The following NR6A1 variants were observed in gnomAD, a reference collection of about 807,000 sequenced individuals.
NR6A1 encodes retinoic acid receptor-related testis-associated receptor.
A neutral mutation model predicts 59.1 loss-of-function variants in NR6A1; 7 were observed. The ratio of observed to expected loss-of-function variants is 0.12; its 90% CI spans 0.07 to 0.22. NR6A1 has a LOEUF of 0.22. Ranked by LOEUF, NR6A1 falls within the 10% of genes least tolerant of loss-of-function variation. NR6A1 has a pLI of 1.00. For synonymous variants in NR6A1, 243 were observed against 236.1 expected, an observed-to-expected ratio of 1.03 and a Z score of -0.27; for missense variants, 468 against 611.6, an observed-to-expected ratio of 0.77 and a Z score of 2.48.
chr9:124,760,078 G>A (rs530620167), intron 1 of NR6A1, among the ~76,000 whole-genome samples: 97 of 148,398 alleles, frequency 6.5e-4, no homozygotes, highest in African/African-American at 2.3e-3. Context: ...GTGGGATGCC[G>A]AGGCAGGCAG....
At chr9:124,638,734 G>A (rs1836689240) in intron 2 of NR6A1, among the ~76,000 whole-genome samples, 1 of 152,164 alleles carries the variant, frequency 6.6e-6, no homozygotes, top group Admixed American at 6.5e-5. Flanking sequence ...ATAATGAGAA[G>A]GAAGACCCAA....
chr9:124,582,323 C>A (rs1834796798), intron 2 of NR6A1, among the ~76,000 whole-genome samples: 1 of 152,092 alleles, frequency 6.6e-6, no homozygotes, highest in Admixed American at 6.6e-5. Context: ...GAACAGAAAA[C>A]CAAATACCGC....
chr9:124,732,068 C>T (rs1239615290), intron 2 of NR6A1, among the ~76,000 whole-genome samples: 1 of 152,164 alleles, frequency 6.6e-6, no homozygotes, highest in Non-Finnish European at 1.5e-5. Flanking sequence ...TGATAAGCAT[C>T]ATGAGAACTA....
intron 2 of NR6A1, among the ~76,000 whole-genome samples, chr9:124,698,909 A>G (rs572890595): frequency 1.3e-5 from 2 of 152,280 alleles, no homozygotes; most frequent in African/African-American, 4.8e-5. Flanking sequence ...AAAAACACAC[A>G]ACCAATCAAA....
At chr9:124,567,567 C>T (rs1054888086) in intron 2 of NR6A1, among the ~76,000 whole-genome samples, 6 of 151,946 alleles carry the variant, frequency 3.9e-5, no homozygotes, top group African/African-American at 1.2e-4. Flanking sequence ...GAGTCGGAGA[C>T]CAGCCTGGGC....
chr9:124,694,284 T>C (rs1838668255), intron 2 of NR6A1, among the ~76,000 whole-genome samples: 1 of 152,182 alleles, frequency 6.6e-6, no homozygotes, highest in Non-Finnish European at 1.5e-5. Context: ...TAATTTTGCA[T>C]GTTTTGGGGG....
At chr9:124,587,234 C>T (rs1361254279) in intron 2 of NR6A1, among the ~76,000 whole-genome samples, 2 of 152,222 alleles carry the variant, frequency 1.3e-5, no homozygotes, top group Admixed American at 1.3e-4. Flanking sequence ...TGCTACTCCA[C>T]ACATAACAGA....
chr9:124,552,513 C>G (rs1437308157), intron 3 of NR6A1, among the ~76,000 whole-genome samples: 1 of 152,172 alleles, frequency 6.6e-6, no homozygotes, highest in Non-Finnish European at 1.5e-5. Flanking sequence ...CCAGTAAACA[C>G]AGGGCATTCC....
At chr9:124,637,736 T>C (rs1261678200) in intron 2 of NR6A1, among the ~76,000 whole-genome samples, 2 of 151,056 alleles carry the variant, frequency 1.3e-5, no homozygotes, top group African/African-American at 2.4e-5. Flanking sequence ...ATTAAAAGTA[T>C]GAAAAATTAG....
At chr9:124,693,755 T>A (rs954897913) in intron 2 of NR6A1, 1 of 534,490 alleles carries the variant, frequency 1.9e-6, no homozygotes, top group African/African-American at 1.9e-5. Context: ...GGTTTGAGTC[T>A]GAATCAACTC....
At position 124,584,354 on chromosome 9, in the gene NR6A1, C is replaced by T. The variant is rs536911698; in HGVS notation, c.143-29784G>A. Among the ~76,000 whole-genome samples the T allele has an allele frequency of 2.4e-3, 364 of 152,214 alleles. 1 individual carries two copies. The highest frequency in any genetic ancestry group is 8.4e-3 in the African/African-American group (348 of 41,518). On this transcript the variant is annotated intron_variant, in intron 2 of 9. Coordinates refer to ENST00000487099, the MANE Select transcript of NR6A1 (RefSeq NM_033334.4). ...TCTCCTGACGTCATGATCTGCCCTCCTCGGCCTCCCAAAGTGCTGGGATTA... is the reference window on the plus strand; with the variant it reads ...TCTCCTGACGTCATGATCTGCCCTCTTCGGCCTCCCAAAGTGCTGGGATTA...
At chr9:124,672,632 G>A (rs1837831402) in intron 2 of NR6A1, among the ~76,000 whole-genome samples, 1 of 151,830 alleles carries the variant, frequency 6.6e-6, no homozygotes. Context: ...AAAAAGAATT[G>A]CTTAAGTTCA....
In NR6A1 at chr9:124,718,875, C is replaced by T. The variant is rs77181547; in HGVS notation, c.142+14433G>A. ...TGCTGCCCAGGCTGGAGTACAGTGG[C>T]GCGATCTTGGCTCACTGCAGCCTCC... On this transcript the variant is annotated intron_variant, in intron 2 of 9. Coordinates refer to ENST00000487099, the MANE Select transcript of NR6A1 (RefSeq NM_033334.4). Among the ~76,000 whole-genome samples the T allele has an allele frequency of 4.3e-4, 57 of 133,846 alleles. No homozygotes were observed. The East Asian group carries it at 0.011, about 26-fold the overall frequency. The allele number at this position is 133,846 out of a possible 152,430, so 87.8% of individuals were successfully genotyped here.
At position 124,520,912 on chromosome 9, in the gene NR6A1, G is replaced by C. The variant is rs1445614681; in HGVS notation, c.*1793C>G. 6.6e-6 allele frequency: 1 copy of C among 152,204 alleles called. No individual in the cohort carries two copies. The highest frequency in any genetic ancestry group is 1.5e-5 in the Non-Finnish European group (1 of 68,038). 9.4% of individuals were successfully genotyped at this position (152,204 alleles called of 1,614,324 possible). ...TTGAGGAGTAATGTTCCGAGTTTTA[G>C]ATCCATCAAGGGCCAAAATCATCAC... On this transcript the variant is annotated 3_prime_UTR_variant, in exon 10 of 10. Coordinates refer to ENST00000487099, the MANE Select transcript of NR6A1 (RefSeq NM_033334.4).
chr9:124,564,716 T>C (rs1332734175), intron 2 of NR6A1, among the ~76,000 whole-genome samples: 5 of 151,760 alleles, frequency 3.3e-5, no homozygotes, highest in Non-Finnish European at 7.4e-5. Flanking sequence ...TGTGTATAAC[T>C]TGACAAGCTA....
intron 2 of NR6A1, among the ~76,000 whole-genome samples, chr9:124,593,631 T>C (rs939498506): frequency 1.3e-5 from 2 of 152,220 alleles, no homozygotes; most frequent in South Asian, 2.1e-4. Flanking sequence ...TTCCCCAACG[T>C]TGAAAGGGCA....
At chr9:124,681,908 T>TA (rs1838173413) in intron 2 of NR6A1, among the ~76,000 whole-genome samples, 1 of 152,244 alleles carries the variant, frequency 6.6e-6, no homozygotes, top group Admixed American at 6.5e-5. Context: ...AAATGAATTT[T>TA]AATAAAATCG....
chr9:124,683,754 T>C (rs1437312814), intron 2 of NR6A1, among the ~76,000 whole-genome samples: 3 of 152,206 alleles, frequency 2.0e-5, no homozygotes, highest in East Asian at 3.9e-4. Context: ...GATCGCACCA[T>C]TGCACTCCAG....
intron 2 of NR6A1, among the ~76,000 whole-genome samples, chr9:124,688,845 A>G (rs1291784195): frequency 6.6e-6 from 1 of 152,222 alleles, no homozygotes; most frequent in Non-Finnish European, 1.5e-5. Context: ...GAGAATCCAT[A>G]GCGGATTTTT....
Sources: gnomAD v4.1 joint callset for allele counts (sites outside exome capture counted in the v4.1 genomes callset) on GRCh38, gnomAD v4.1.1 for gene constraint, MANE v1.5 for transcripts, NCBI Gene and HGNC (gene_info 2026-07-23, HGNC 2026-07-21) for gene names.